PSMD14: variants seen among roughly 807,000 people sequenced by gnomAD.
PSMD14 encodes ubiquitin C-terminal hydrolase PSMD14.
Under a neutral mutation model 41.2 loss-of-function variants are expected in PSMD14, and 7 were observed. The observed-to-expected ratio is 0.17, with a 90% confidence interval of 0.10 to 0.32. The LOEUF is 0.32. Ranked by LOEUF, PSMD14 falls within the 10% of genes least tolerant of loss-of-function variation. The pLI is 1.00. For synonymous variants in PSMD14, 114 were observed against 122.3 expected (o/e 0.93, Z 0.45); for missense variants, 139 against 375.6 (o/e 0.37, Z 5.21).
chr2:161,308,455 CTT>C lies in PSMD14; in HGVS notation c.-284_-283del, dbSNP rs1386628630. The C allele has an allele frequency of 6.6e-6, 1 of 152,288 alleles. No individual in the cohort carries two copies. The highest frequency in any genetic ancestry group is 6.5e-5 in the Admixed American group (1 of 15,288). 9.4% of individuals were successfully genotyped at this position (152,288 alleles called of 1,614,324 possible). On this transcript the variant is annotated 5_prime_UTR_variant, in exon 1 of 12. Coordinates refer to ENST00000409682, the MANE Select transcript of PSMD14 (RefSeq NM_005805.6). The stretch of plus-strand genomic sequence containing the variant: ...CTTCGCGGCGGAGGCCCGGGCAACT[CTT>C]TTGAATGGAATCGGGCTGATTCATC...
chr2:161,311,725 A>G (rs1434046812), intron 1 of PSMD14, among the ~76,000 whole-genome samples: 1 of 139,286 alleles, frequency 7.2e-6, no homozygotes, highest in Non-Finnish European at 1.5e-5. Flanking sequence ...TCCACCTCCC[A>G]GGCTGCCTCA....
At chr2:161,403,698 G>A (rs958543791) in intron 10 of PSMD14, among the ~76,000 whole-genome samples, 1 of 151,912 alleles carries the variant, frequency 6.6e-6, no homozygotes, top group Non-Finnish European at 1.5e-5. Flanking sequence ...GAAATACTGA[G>A]TAATTTGCAG....
intron 8 of PSMD14, among the ~76,000 whole-genome samples, chr2:161,387,158 G>A (rs1282573902): frequency 6.6e-6 from 1 of 151,822 alleles, no homozygotes; most frequent in Non-Finnish European, 1.5e-5. Context: ...CATCTATCTG[G>A]GTGCTCTACA....
chr2:161,411,492 G>C lies in PSMD14; in HGVS notation c.*92G>C. On this transcript the variant is annotated 3_prime_UTR_variant, in exon 12 of 12. Transcript: ENST00000409682. ...TCAAGGGACCTCTGAAGGTGTACTT[G>C]GCTAAATGTAAGACATCTGGCATCA... The C allele has an allele frequency of 1.2e-6, 1 of 822,274 alleles. No homozygotes were observed. Among genetic ancestry groups the C allele is most frequent in the Non-Finnish European group, 1.8e-6 (1 of 550,848 alleles). The allele number at this position is 822,274 out of a possible 1,614,324, so 50.9% of individuals were successfully genotyped here.
chr2:161,323,255 A>G (rs1191301171), intron 3 of PSMD14, among the ~76,000 whole-genome samples: 1 of 152,142 alleles, frequency 6.6e-6, no homozygotes, highest in East Asian at 1.9e-4. Context: ...CACACTTACT[A>G]TCTTAAACCT....
At chr2:161,408,928 G>A (rs1210665344) in intron 11 of PSMD14, 29 bp downstream of exon 11, 4 of 1,541,002 alleles carry the variant, frequency 2.6e-6, no homozygotes, top group Admixed American at 1.7e-5. Context: ...AAGTTATGCA[G>A]TTGCATAATA....
At chr2:161,360,094 C>G (rs1243521256) in intron 3 of PSMD14, among the ~76,000 whole-genome samples, 2 of 151,904 alleles carry the variant, frequency 1.3e-5, no homozygotes, top group Non-Finnish European at 2.9e-5. Context: ...TCCAGATTTT[C>G]TCTGATAGGA....
intron 7 of PSMD14, chr2:161,384,380 C>G (rs555486884): frequency 6.6e-6 from 1 of 151,724 alleles, no homozygotes; most frequent in South Asian, 2.1e-4. Flanking sequence ...ATACTTATTA[C>G]AAGCAGAATT....
chr2:161,395,002 GA>G, intron 9 of PSMD14, 75 bp from the exon 10 acceptor site: 1 of 977,830 alleles, frequency 1.0e-6, no homozygotes, highest in Non-Finnish European at 1.4e-6. Context: ...TTTTTTTTTT[GA>G]AGTTTTTTTT....
At chr2:161,317,198 T>C (rs770574153) in intron 2 of PSMD14, among the ~76,000 whole-genome samples, 7 of 152,238 alleles carry the variant, frequency 4.6e-5, no homozygotes, top group Non-Finnish European at 1.0e-4. Flanking sequence ...TTGAGGAATT[T>C]CAATGAGTAT....
At chr2:161,340,206 A>G (rs966966193) in intron 3 of PSMD14, among the ~76,000 whole-genome samples, 1 of 152,124 alleles carries the variant, frequency 6.6e-6, no homozygotes, top group African/African-American at 2.4e-5. Flanking sequence ...ATGAAAAATA[A>G]GGGGAATGGT....
rs546607441 is a variant in PSMD14, at chr2:161,370,055, C to A, written c.241-52C>A. 31 of 1,388,872 alleles carry A rather than the reference C, an allele frequency of 2.2e-5. 1 individual carries two copies. In the South Asian group the frequency reaches 4.0e-4, roughly 18 times the overall value. The allele number at this position is 1,388,872 out of a possible 1,614,324, so 86.0% of individuals were successfully genotyped here. ...ACCCCAAATAATATACATAGGGAAGCTTTTTTTCCAAATTTACAAAAATTA... is the reference window on the plus strand; with the variant it reads ...ACCCCAAATAATATACATAGGGAAGATTTTTTTCCAAATTTACAAAAATTA... On this transcript the variant is annotated intron_variant, in intron 5 of 11. Coordinates refer to ENST00000409682, the MANE Select transcript of PSMD14 (RefSeq NM_005805.6).
intron 3 of PSMD14, among the ~76,000 whole-genome samples, chr2:161,341,939 C>T (rs1227868034): frequency 6.6e-6 from 1 of 151,326 alleles, no homozygotes; most frequent in East Asian, 1.9e-4. Context: ...TCTCTCCTAA[C>T]CCAATGTCAC....
chr2:161,363,331 C>T (rs909074564), intron 3 of PSMD14, among the ~76,000 whole-genome samples: 9 of 152,126 alleles, frequency 5.9e-5, no homozygotes, highest in African/African-American at 2.2e-4. Context: ...TAAAAGTTTT[C>T]ATCTCTAACT....
intron 3 of PSMD14, among the ~76,000 whole-genome samples, chr2:161,328,216 G>A (rs1682730933): frequency 6.6e-6 from 1 of 151,994 alleles, no homozygotes; most frequent in African/African-American, 2.4e-5. Flanking sequence ...ACATGTTGAA[G>A]AATATTGTTA....
chr2:161,330,698 C>T (rs568278955), intron 3 of PSMD14, among the ~76,000 whole-genome samples: 1 of 152,264 alleles, frequency 6.6e-6, no homozygotes, highest in South Asian at 2.1e-4. Flanking sequence ...GCAGTGGTCT[C>T]CACTGGGCAG....
chr2:161,378,709 TG>T (rs1442118116), intron 7 of PSMD14, among the ~76,000 whole-genome samples: 1 of 151,982 alleles, frequency 6.6e-6, no homozygotes, highest in African/African-American at 2.4e-5. Flanking sequence ...TTTGGCATGC[TG>T]TATAGGTACA....
At chr2:161,369,340 G>A (rs746017629) in intron 5 of PSMD14, among the ~76,000 whole-genome samples, 4 of 151,908 alleles carry the variant, frequency 2.6e-5, no homozygotes, top group Non-Finnish European at 4.4e-5. Context: ...ATATGTCTCT[G>A]TTGCATATTC....
At chr2:161,382,291 G>A (rs1295304841) in intron 7 of PSMD14, 2 of 151,736 alleles carry the variant, frequency 1.3e-5, no homozygotes, top group East Asian at 3.9e-4. Context: ...TTAGTCCTCT[G>A]TTTTGATCTG....
Sources: allele counts gnomAD v4.1 joint callset (sites outside exome capture counted in the v4.1 genomes callset), GRCh38; gene constraint gnomAD v4.1.1; transcripts MANE v1.5; gene names NCBI Gene and HGNC (gene_info 2026-07-23, HGNC 2026-07-21).